TFAP2D: variants seen among roughly 807,000 people sequenced by gnomAD.
TFAP2D encodes transcription factor AP-2 delta.
A neutral mutation model predicts 43.6 loss-of-function variants in TFAP2D; 9 were observed. The ratio of observed to expected loss-of-function variants is 0.21; its 90% CI spans 0.12 to 0.36. TFAP2D has a LOEUF of 0.36. TFAP2D is among the 10% of genes least tolerant of loss of function. The probability of loss-of-function intolerance (pLI) is 1.00; values close to 1 mark genes in which losing one functional copy is unlikely to be tolerated. For missense variants in TFAP2D, 513 were observed against 561.4 expected (o/e 0.91, Z 0.87); for synonymous variants, 256 against 224.9 (o/e 1.14, Z -1.24).
At chr6:50,765,988 T>C (rs1481432962) in intron 7 of TFAP2D, among the ~76,000 whole-genome samples, 1 of 152,180 alleles carries the variant, frequency 6.6e-6, no homozygotes, top group African/African-American at 2.4e-5. Context: ...ATAGTTTTGG[T>C]CTTTTATTAT....
rs1768844533 is a variant in TFAP2D, at chr6:50,728,874, A to G, written c.617A>G (p.Asn206Ser). 4 of 1,613,760 alleles carry G rather than the reference A, an allele frequency of 2.5e-6. No homozygotes were observed. Among genetic ancestry groups the G allele is most frequent in the South Asian group, 2.2e-5 (2 of 91,060 alleles). The change falls in exon 4 of 8, where the codon AAC (asparagine) becomes AGC (serine). Residue 206 changes from asparagine to serine, a missense_variant. Asn to Ser is a conservative substitution (Grantham distance 46). Coordinates refer to ENST00000008391, the MANE Select transcript of TFAP2D (RefSeq NM_172238.4). ...VIRRGGTCVV[N>S]PTDLFCSVPG... ...TCCCAAGGTGGCACCTGTGTGGTCA[A>G]CCCCACAGACTTATTTTGCTCTGTC... is the stretch of plus-strand genomic sequence containing the variant.
intron 3 of TFAP2D, among the ~76,000 whole-genome samples, chr6:50,723,212 C>A (rs891329304): frequency 5.9e-5 from 9 of 152,190 alleles, no homozygotes; most frequent in African/African-American, 2.2e-4. Context: ...TGAAATGGAA[C>A]CTTAGCTTCA....
chr6:50,715,215 A>G lies in TFAP2D; in HGVS notation c.139A>G (p.Thr47Ala). The G allele has an allele frequency of 1.2e-6, 2 of 1,612,976 alleles. No individual in the cohort carries two copies. Among genetic ancestry groups the G allele is most frequent in the Non-Finnish European group, 1.7e-6 (2 of 1,179,748 alleles). ...TVAYSSSSPL[T>A]YSTTGTEFAS... Reference sequence around the variant, plus strand: ...CGCCTATTCCTCCTCCTCTCCTTTAACTTACTCCACCACCGGCACCGAGTT... The same window carrying G: ...CGCCTATTCCTCCTCCTCTCCTTTAGCTTACTCCACCACCGGCACCGAGTT... Residue 47 changes from threonine to alanine, a missense_variant, in exon 2 of 8, where the codon ACT becomes GCT. By Grantham distance (58) the Thr-to-Ala change is moderately conservative (BLOSUM62 0). Coordinates refer to ENST00000008391, the MANE Select transcript of TFAP2D (RefSeq NM_172238.4).
At chr6:50,771,673 G>C (rs532360617) in intron 7 of TFAP2D, among the ~76,000 whole-genome samples, 6 of 152,196 alleles carry the variant, frequency 3.9e-5, no homozygotes, top group African/African-American at 1.4e-4. Flanking sequence ...TAATTAGTGC[G>C]TATCAATCAA....
At chr6:50,755,570 C>T (rs1769253089) in intron 7 of TFAP2D, among the ~76,000 whole-genome samples, 1 of 151,982 alleles carries the variant, frequency 6.6e-6, no homozygotes, top group South Asian at 2.1e-4. Flanking sequence ...TTAAGAACCA[C>T]AGTTCTACGA....
chr6:50,734,492 CT>C (rs1298971334), intron 5 of TFAP2D, among the ~76,000 whole-genome samples: 4 of 151,976 alleles, frequency 2.6e-5, no homozygotes, highest in African/African-American at 9.7e-5. Flanking sequence ...TTATCAGGGA[CT>C]TTTTTATTGT....
chr6:50,717,137 T>A (rs1179359370), intron 2 of TFAP2D, among the ~76,000 whole-genome samples: 1 of 152,232 alleles, frequency 6.6e-6, no homozygotes, highest in Non-Finnish European at 1.5e-5. Flanking sequence ...CCGCGTCTGC[T>A]GCTGATTTTT....
At chr6:50,747,227 C>G (rs1046971274) in intron 6 of TFAP2D, among the ~76,000 whole-genome samples, 1 of 152,032 alleles carries the variant, frequency 6.6e-6, no homozygotes, top group African/African-American at 2.4e-5. Context: ...TTCAGTTTCT[C>G]CAAAAGGAGC....
At chr6:50,769,014 C>T (rs1581780950) in intron 7 of TFAP2D, among the ~76,000 whole-genome samples, 1 of 151,436 alleles carries the variant, frequency 6.6e-6, no homozygotes, top group African/African-American at 2.4e-5. Context: ...GCCTCAGCCT[C>T]CTGAGTAGCT....
At chr6:50,729,093 G>A in intron 4 of TFAP2D, 72 bp downstream of exon 4, 2 of 1,603,056 alleles carry the variant, frequency 1.2e-6, no homozygotes, top group East Asian at 2.2e-5. Flanking sequence ...TAGTCATGAT[G>A]TCTTCCATCT....
chr6:50,768,852 T>A (rs1424505900), intron 7 of TFAP2D, among the ~76,000 whole-genome samples: 1 of 152,050 alleles, frequency 6.6e-6, no homozygotes, highest in Non-Finnish European at 1.5e-5. Context: ...GACTTTTTTT[T>A]ATATTGAATA....
chr6:50,730,268 G>T (rs1311570745), intron 5 of TFAP2D, among the ~76,000 whole-genome samples: 3 of 152,078 alleles, frequency 2.0e-5, no homozygotes, highest in Non-Finnish European at 4.4e-5. Context: ...GTGTGTTCTT[G>T]ACATTTGTCT....
chr6:50,724,967 T>A (rs921534853), intron 3 of TFAP2D, among the ~76,000 whole-genome samples: 4 of 151,812 alleles, frequency 2.6e-5, no homozygotes, highest in Non-Finnish European at 5.9e-5. Context: ...GCATCTTCAT[T>A]GTTTAGATGG....
At chr6:50,742,478 C>G (rs550071201) in intron 5 of TFAP2D, among the ~76,000 whole-genome samples, 304 of 151,960 alleles carry the variant, frequency 2.0e-3, no homozygotes, top group African/African-American at 7.2e-3. Flanking sequence ...TCCTGTTTGC[C>G]CTGTTTTACC....
intron 5 of TFAP2D, among the ~76,000 whole-genome samples, chr6:50,739,306 G>A (rs1769005594): frequency 1.3e-5 from 2 of 152,082 alleles, no homozygotes; most frequent in South Asian, 2.1e-4. Context: ...CCACCTATGA[G>A]TGAGAACATG....
rs575015861 is a variant in TFAP2D, at chr6:50,718,655, A to G, written c.538-435A>G. 2.0e-5 allele frequency among the ~76,000 whole-genome samples: 3 copies of G among 152,264 alleles called. No homozygotes were observed. In the South Asian group the frequency reaches 6.2e-4, roughly 32 times the overall value. ...ACAGAACCTCCATAAGACATCTTGTATCCTGCATATGAAGTAGCTCCTCTG... is the reference window on the plus strand; with the variant it reads ...ACAGAACCTCCATAAGACATCTTGTGTCCTGCATATGAAGTAGCTCCTCTG... On this transcript the variant is annotated intron_variant, in intron 2 of 7. Transcript: ENST00000008391.
At chr6:50,714,756 C>G (rs1209903265) in intron 1 of TFAP2D, among the ~76,000 whole-genome samples, 1 of 152,126 alleles carries the variant, frequency 6.6e-6, no homozygotes, top group Non-Finnish European at 1.5e-5. Context: ...GAGTCAGTTG[C>G]AAACCTGGAT....
intron 2 of TFAP2D, among the ~76,000 whole-genome samples, chr6:50,718,503 T>C (rs1314059786): frequency 6.6e-6 from 1 of 152,230 alleles, no homozygotes; most frequent in Admixed American, 6.5e-5. Flanking sequence ...TCTTTCCATC[T>C]TTCCAGCTCT....
chr6:50,734,835 CACA>C (rs1351126924), intron 5 of TFAP2D, among the ~76,000 whole-genome samples: 1 of 152,076 alleles, frequency 6.6e-6, no homozygotes, highest in Admixed American at 6.6e-5. Flanking sequence ...CATATCTACC[CACA>C]ACATCTGACC....
Sources: gnomAD v4.1 joint callset for allele counts (sites outside exome capture counted in the v4.1 genomes callset) on GRCh38, gnomAD v4.1.1 for gene constraint, MANE v1.5 for transcripts, NCBI Gene and HGNC (gene_info 2026-07-23, HGNC 2026-07-21) for gene names.